Variants in TMCO5A observed in about 807,000 individuals in gnomAD.
TMCO5A encodes transmembrane and coiled-coil domain-containing protein 5A.
In TMCO5A, 34 loss-of-function variants were observed where a neutral mutation model predicts 42.3. The observed-to-expected ratio is 0.80, with a 90% CI of 0.61 to 1.07. The LOEUF (loss-of-function observed/expected upper bound fraction) is 1.07, where lower values mean the gene tolerates loss of function less well. Among genes scored for constraint, TMCO5A ranks in the 50% least tolerant of loss-of-function variants. TMCO5A has a pLI of 0.00. For synonymous variants in TMCO5A, 131 were observed against 115.6 expected (o/e 1.13, Z -0.86); for missense variants, 357 against 327.9 (o/e 1.09, Z -0.69).
the TMCO5A span, among the ~76,000 whole-genome samples, chr15:37,983,589 A>T: frequency 6.6e-6 from 1 of 152,182 alleles, no homozygotes; most frequent in East Asian, 1.9e-4. Context: ...TCACAGACTC[A>T]TAGAATTGGC....
chr15:38,024,008 G>C, the TMCO5A span, among the ~76,000 whole-genome samples: 1 of 152,172 alleles, frequency 6.6e-6, no homozygotes. Flanking sequence ...CCTGTGGAAA[G>C]AGTGTGTCAA....
At chr15:37,960,152 ATT>A (rs375455765) in intron 11 of TMCO5A, among the ~76,000 whole-genome samples, 3 of 151,446 alleles carry the variant, frequency 2.0e-5, no homozygotes, top group African/African-American at 7.3e-5. Context: ...TTTTTAAAAT[ATT>A]TTTTTCCCTA....
At chr15:37,948,101 A>AAGAGATAGAAG (rs1890028224) in intron 11 of TMCO5A, among the ~76,000 whole-genome samples, 1 of 152,100 alleles carries the variant, frequency 6.6e-6, no homozygotes, top group African/African-American at 2.4e-5. Flanking sequence ...ACTGTCTAAT[A>AAGAGATAGAAG]AGAGATAGAA....
the TMCO5A span, among the ~76,000 whole-genome samples, chr15:37,976,499 T>C: frequency 6.6e-6 from 1 of 152,168 alleles, no homozygotes; most frequent in Non-Finnish European, 1.5e-5. Context: ...CGTAACTATG[T>C]TTTCCAAGTT....
chr15:37,945,550 T>A (rs1889915967), intron 10 of TMCO5A, among the ~76,000 whole-genome samples: 1 of 152,146 alleles, frequency 6.6e-6, no homozygotes, highest in Non-Finnish European at 1.5e-5. Flanking sequence ...GTTGTTTGAT[T>A]TTTTAATAAT....
chr15:37,963,627 C>T lies in TMCO5A; in HGVS notation c.669-2998C>T, dbSNP rs147164646. On this transcript the variant is annotated intron_variant, in intron 11 of 11. Transcript: ENST00000559502. Reference sequence around the variant, plus strand: ...CTTTGTTCACTTTCTGTGTGATGACCGATCTACTGCTGTCAGTGGAGTATT... The same window carrying T: ...CTTTGTTCACTTTCTGTGTGATGACTGATCTACTGCTGTCAGTGGAGTATT... Among the ~76,000 whole-genome samples, 1,140 of 152,118 alleles carry T rather than the reference C, an allele frequency of 7.5e-3. 14 individuals are homozygous for T. The highest frequency in any genetic ancestry group is 0.026 in the African/African-American group (1,077 of 41,510).
the TMCO5A span, among the ~76,000 whole-genome samples, chr15:38,038,354 A>C: frequency 6.6e-6 from 1 of 152,154 alleles, no homozygotes; most frequent in African/African-American, 2.4e-5. Context: ...AGCAGAACAA[A>C]ATTTTGCTTT....
the TMCO5A span, among the ~76,000 whole-genome samples, chr15:38,038,829 G>A: frequency 5.4e-4 from 82 of 152,320 alleles, no homozygotes; most frequent in Non-Finnish European, 8.8e-4. Context: ...CATCTGAGGT[G>A]AGTCTGGTAA....
chr15:37,993,044 T>C, the TMCO5A span, among the ~76,000 whole-genome samples: 2 of 152,326 alleles, frequency 1.3e-5, no homozygotes, highest in South Asian at 2.1e-4. Flanking sequence ...TCAGTTATGA[T>C]ATTTTTTAGC....
At chr15:38,030,351 T>C in the TMCO5A span, among the ~76,000 whole-genome samples, 1 of 152,186 alleles carries the variant, frequency 6.6e-6, no homozygotes, top group African/African-American at 2.4e-5. Context: ...GACTTCTTCA[T>C]CGCCCAACAG....
the TMCO5A span, among the ~76,000 whole-genome samples, chr15:37,979,244 C>CTCCTTAG: frequency 2.6e-5 from 4 of 152,234 alleles, no homozygotes; most frequent in South Asian, 2.1e-4. Context: ...GCTGGAGGTC[C>CTCCTTAG]TCCTTAGTCC....
chr15:37,947,552 A>G, intron 10 of TMCO5A, 104 bp from the exon 11 acceptor site: 2 of 771,508 alleles, frequency 2.6e-6, no homozygotes, highest in Non-Finnish European at 4.3e-6. Flanking sequence ...AGAATTTGTT[A>G]AAGTTATCTA....
At chr15:37,983,337 G>C in the TMCO5A span, among the ~76,000 whole-genome samples, 1 of 152,268 alleles carries the variant, frequency 6.6e-6, no homozygotes, top group East Asian at 1.9e-4. Flanking sequence ...GATTCACTGA[G>C]TAAACAGCAC....
downstream of TMCO5A, among the ~76,000 whole-genome samples, chr15:37,968,471 G>A (rs1224680344): frequency 6.6e-6 from 1 of 152,006 alleles, no homozygotes; most frequent in Non-Finnish European, 1.5e-5. Context: ...AAGAGAAACA[G>A]TTCACTAAAA....
intron 11 of TMCO5A, among the ~76,000 whole-genome samples, chr15:37,965,833 G>A (rs1490543536): frequency 1.3e-5 from 2 of 152,160 alleles, no homozygotes; most frequent in Non-Finnish European, 2.9e-5. Flanking sequence ...AACCACTATG[G>A]AGAACAGTTT....
intron 6 of TMCO5A, among the ~76,000 whole-genome samples, chr15:37,940,774 G>A (rs1026474998): frequency 1.3e-5 from 2 of 152,048 alleles, no homozygotes; most frequent in African/African-American, 4.8e-5. Context: ...GGGTGAGCAA[G>A]GCATACAGGG....
the TMCO5A span, among the ~76,000 whole-genome samples, chr15:38,016,510 A>T: frequency 6.6e-6 from 1 of 152,164 alleles, no homozygotes; most frequent in Non-Finnish European, 1.5e-5. Flanking sequence ...GATTTGGTGC[A>T]AGACTAAATG....
the TMCO5A span, among the ~76,000 whole-genome samples, chr15:37,989,313 C>G: frequency 9.2e-5 from 14 of 151,770 alleles, no homozygotes; most frequent in African/African-American, 3.1e-4. Flanking sequence ...AATTTCTGCT[C>G]TAATCTTTAT....
the TMCO5A span, among the ~76,000 whole-genome samples, chr15:38,011,386 T>C: frequency 2.6e-5 from 4 of 152,154 alleles, no homozygotes; most frequent in Admixed American, 1.3e-4. Flanking sequence ...AGAATGAGCA[T>C]GACAGTGATC....
Sources: allele counts gnomAD v4.1 joint callset (sites outside exome capture counted in the v4.1 genomes callset), GRCh38; gene constraint gnomAD v4.1.1; transcripts MANE v1.5; gene names NCBI Gene and HGNC (gene_info 2026-07-23, HGNC 2026-07-21).